PTPRC: variants seen among roughly 807,000 people sequenced by gnomAD.
The protein encoded by PTPRC is protein tyrosine phosphatase receptor type C.
A neutral mutation model predicts 155.9 loss-of-function variants in PTPRC; 44 were observed. The observed-to-expected ratio is 0.28, with a 90% CI of 0.22 to 0.36. The LOEUF (loss-of-function observed/expected upper bound fraction) is 0.36. Among genes scored for constraint, PTPRC ranks in the 10% least tolerant of loss-of-function variants. The pLI, the probability that PTPRC is intolerant of heterozygous loss-of-function variation, is 1.00. For synonymous variants in PTPRC, 525 were observed against 533.1 expected, an observed-to-expected ratio of 0.98 and a Z score of 0.21; for missense variants, 1,401 against 1,564.6, an observed-to-expected ratio of 0.90 and a Z score of 1.76.
At chr1:198,696,441 T>C (rs1433668245) in intron 3 of PTPRC, among the ~76,000 whole-genome samples, 1 of 152,104 alleles carries the variant, frequency 6.6e-6, no homozygotes, top group Non-Finnish European at 1.5e-5. Flanking sequence ...TAATGTTCTG[T>C]AGCTTGTTTT....
At chr1:198,650,920 A>G (rs1203289278) in intron 2 of PTPRC, among the ~76,000 whole-genome samples, 1 of 151,854 alleles carries the variant, frequency 6.6e-6, no homozygotes, top group Non-Finnish European at 1.5e-5. Flanking sequence ...AGAATTCAGT[A>G]AATTCCACAT....
intron 2 of PTPRC, among the ~76,000 whole-genome samples, chr1:198,669,941 C>G (rs1407542930): frequency 6.6e-6 from 1 of 152,064 alleles, no homozygotes; most frequent in Non-Finnish European, 1.5e-5. Context: ...TTGGCATCAC[C>G]CAAAGGACCT....
chr1:198,752,340 C>T lies in PTPRC; in HGVS notation c.3299C>T (p.Thr1100Ile). ...LKDTDKSSTY[T>I]LRVFELRHSK... Reference sequence around the variant, plus strand: ...GACACAGACAAATCTTCAACTTATACCCTTCGTGTCTTTGAACTGAGACAT... The same window carrying T: ...GACACAGACAAATCTTCAACTTATATCCTTCGTGTCTTTGAACTGAGACAT... The change falls in exon 30 of 33, where the codon ACC (threonine) becomes ATC (isoleucine). Residue 1100 changes from threonine to isoleucine, a missense_variant. Around this residue, in one of 3 missense-constraint regions of PTPRC, gnomAD observed 400 missense variants for 389.5 expected, o/e 1.03. Transcript: ENST00000442510. 2.5e-6 allele frequency: 4 copies of T among 1,612,610 alleles called. No individual in the cohort carries two copies. In the East Asian group the frequency reaches 6.7e-5, roughly 27 times the overall value.
intron 6 of PTPRC, 61 bp downstream of exon 6, chr1:198,702,591 CTT>C: frequency 6.3e-7 from 1 of 1,587,346 alleles, no homozygotes; most frequent in Non-Finnish European, 8.7e-7. Flanking sequence ...AAACTCAAAA[CTT>C]TAATGTAGCT....
chr1:198,661,501 T>G (rs1168298432), intron 2 of PTPRC, among the ~76,000 whole-genome samples: 1 of 151,904 alleles, frequency 6.6e-6, no homozygotes, highest in Non-Finnish European at 1.5e-5. Context: ...ATTCTCTATC[T>G]GTTGTAATAT....
In PTPRC at chr1:198,706,764, A is replaced by T. The variant is rs751970504; in HGVS notation, c.716A>T (p.Tyr239Phe). 6.2e-7 allele frequency: 1 copy of T among 1,611,424 alleles called. No homozygotes were observed. ...DEKYANITVD[Y>F]LYNKETKLFT... ...AAATATGCAAACATCACTGTGGATT[A>T]CTTATATAACAAGGAAACTAAATTA... Residue 239 changes from tyrosine (Y) to phenylalanine (F), a missense_variant, in exon 9 of 33, where the codon TAC (tyrosine) becomes TTC (phenylalanine). Tyr to Phe is a conservative substitution (Grantham distance 22). Around this residue, in one of 3 missense-constraint regions of PTPRC, gnomAD observed 867 missense variants for 970.4 expected, o/e 0.89. Coordinates refer to ENST00000442510, the MANE Select transcript of PTPRC (RefSeq NM_002838.5).
intron 26 of PTPRC, 110 bp from the exon 27 acceptor site, chr1:198,747,999 C>A (rs1655211738): frequency 6.8e-7 from 1 of 1,473,766 alleles, no homozygotes; most frequent in South Asian, 1.3e-5. Flanking sequence ...GGAGCATATG[C>A]AAATTTCACA....
chr1:198,722,086 A>G (rs1321088476), intron 14 of PTPRC, among the ~76,000 whole-genome samples: 2 of 151,080 alleles, frequency 1.3e-5, no homozygotes, highest in South Asian at 2.1e-4. Context: ...TAGCCTATTA[A>G]TAGGGAATTT....
chr1:198,671,247 C>A (rs572137901), intron 2 of PTPRC, among the ~76,000 whole-genome samples: 1 of 152,212 alleles, frequency 6.6e-6, no homozygotes, highest in South Asian at 2.1e-4. Context: ...TATCACCCCC[C>A]TCACCCCCCT....
chr1:198,749,679 G>A, intron 28 of PTPRC, 130 bp downstream of exon 28: 1 of 850,726 alleles, frequency 1.2e-6, no homozygotes, highest in Non-Finnish European at 1.9e-6. Context: ...AGATTGACAT[G>A]AGAGTTTCAA....
intron 2 of PTPRC, among the ~76,000 whole-genome samples, chr1:198,672,493 G>A (rs1003895392): frequency 4.0e-5 from 6 of 151,866 alleles, no homozygotes; most frequent in Non-Finnish European, 5.9e-5. Context: ...TGTTTAATAC[G>A]GAGTCTTGCT....
chr1:198,657,091 A>G (rs1027371185), intron 2 of PTPRC, among the ~76,000 whole-genome samples: 15 of 151,558 alleles, frequency 9.9e-5, no homozygotes, highest in South Asian at 6.2e-4. Context: ...ATGTATTCCT[A>G]TGTAGATTAA....
chr1:198,680,156 T>G (rs1416476530), intron 2 of PTPRC: 2 of 392,832 alleles, frequency 5.1e-6, no homozygotes, highest in Admixed American at 4.5e-5. Flanking sequence ...ATTTATAGGA[T>G]TTTAAAAATA....
intron 6 of PTPRC, 103 bp from the exon 7 acceptor site, chr1:198,703,185 GGACTCCTAGA>G: frequency 1.4e-6 from 2 of 1,428,572 alleles, no homozygotes; most frequent in Non-Finnish European, 1.9e-6. Flanking sequence ...AATCAAACGA[GGACTCCTAGA>G]GCAAAGATGC....
intron 2 of PTPRC, among the ~76,000 whole-genome samples, chr1:198,670,322 A>T (rs1227260443): frequency 6.6e-6 from 1 of 152,166 alleles, no homozygotes; most frequent in Non-Finnish European, 1.5e-5. Flanking sequence ...CTTATTATGT[A>T]TGAAAACTAT....
Position 198,696,734 on chromosome 1 carries a change from C to G in PTPRC, c.123C>G (p.Pro41=). The G allele has an allele frequency of 6.2e-6, 10 of 1,613,938 alleles. No homozygotes were observed. Among genetic ancestry groups the G allele is most frequent in the Admixed American group, 1.7e-5 (1 of 60,020 alleles). ...CAGGATTGACTACAGCAAAGATGCC[C>G]AGTGTTCCACTTTCAAGTGACCCCT... ...SPTGLTTAKM[P]SVPLSSDPLP... The change falls in exon 4 of 33, where the codon CCC becomes CCG. Residue 41 remains proline (P), a synonymous_variant. Coordinates refer to ENST00000442510, the MANE Select transcript of PTPRC (RefSeq NM_002838.5).
At chr1:198,742,547 G>C (rs1450979551) in intron 25 of PTPRC, among the ~76,000 whole-genome samples, 180 bp downstream of exon 25, 1 of 151,784 alleles carries the variant, frequency 6.6e-6, no homozygotes, top group African/African-American at 2.4e-5. Context: ...TTTCATTAGT[G>C]CCTAAAAGTA....
intron 14 of PTPRC, among the ~76,000 whole-genome samples, chr1:198,719,907 G>A (rs1456529377): frequency 6.6e-6 from 1 of 152,054 alleles, no homozygotes; most frequent in African/African-American, 2.4e-5. Flanking sequence ...CACCGTGCCC[G>A]GCCCATATTC....
At chr1:198,731,319 C>T (rs1308985666) in intron 17 of PTPRC, among the ~76,000 whole-genome samples, 4 of 151,874 alleles carry the variant, frequency 2.6e-5, no homozygotes, top group African/African-American at 2.4e-5. Flanking sequence ...TATAGTCAAA[C>T]GTGAATGTCC....
Sources: gnomAD v4.1 joint callset for allele counts (sites outside exome capture counted in the v4.1 genomes callset) on GRCh38, gnomAD v4.1.1 for gene constraint, gnomAD v4.1.1 regional missense constraint, MANE v1.5 for transcripts, NCBI Gene and HGNC (gene_info 2026-07-23, HGNC 2026-07-21) for gene names.